Variants in SLC4A4 observed in about 807,000 individuals in gnomAD.
SLC4A4 encodes electrogenic sodium bicarbonate cotransporter 1.
SLC4A4 carries 27 observed loss-of-function variants against 111.5 expected under a neutral mutation model. That is an observed-to-expected ratio of 0.24 (90% CI 0.18 to 0.33). The LOEUF is 0.33. Ranked by LOEUF, SLC4A4 falls within the 10% of genes least tolerant of loss-of-function variation. The probability of loss-of-function intolerance (pLI) is 1.00; values close to 1 mark genes in which losing one functional copy is unlikely to be tolerated. For missense variants in SLC4A4, 909 were observed against 1,315.5 expected (o/e 0.69, Z 4.78); for synonymous variants, 443 against 463.4 (o/e 0.96, Z 0.57).
chr4:71,394,202 G>T (rs1043558013), intron 6 of SLC4A4, among the ~76,000 whole-genome samples: 2 of 152,068 alleles, frequency 1.3e-5, no homozygotes, highest in Admixed American at 6.6e-5. Context: ...AAAAGAAACA[G>T]CAAAGTAAAC....
chr4:71,122,817 A>G (rs950204073), intron 2 of SLC4A4, among the ~76,000 whole-genome samples: 2 of 152,224 alleles, frequency 1.3e-5, no homozygotes, highest in African/African-American at 2.4e-5. Context: ...GTTCGTATAC[A>G]CAGGACTTTC....
intron 1 of SLC4A4, among the ~76,000 whole-genome samples, chr4:71,202,523 A>C (rs573596774): frequency 4.9e-4 from 74 of 152,320 alleles, no homozygotes; most frequent in Non-Finnish European, 4.6e-4. Context: ...ACTCTTTTAA[A>C]ATATCAAGTG....
intron 15 of SLC4A4, among the ~76,000 whole-genome samples, chr4:71,490,553 C>G (rs1309320018): frequency 1.3e-5 from 2 of 151,776 alleles, no homozygotes; most frequent in African/African-American, 4.8e-5. Context: ...ATGGCAGATA[C>G]CTGAGCCCTT....
At chr4:71,277,171 G>A (rs1454725925) in intron 3 of SLC4A4, among the ~76,000 whole-genome samples, 1 of 152,200 alleles carries the variant, frequency 6.6e-6, no homozygotes, top group African/African-American at 2.4e-5. Context: ...TAGTACAATT[G>A]CTTGGTCGTG....
intron 2 of SLC4A4, among the ~76,000 whole-genome samples, chr4:71,099,642 T>G (rs750930898): frequency 6.6e-6 from 1 of 152,056 alleles, no homozygotes; most frequent in African/African-American, 2.4e-5. Flanking sequence ...AAAAGATCAA[T>G]GAATCCAGGA....
intron 10 of SLC4A4, 57 bp from the exon 11 acceptor site, chr4:71,451,131 A>T (rs1414165181): frequency 2.7e-6 from 3 of 1,125,770 alleles, no homozygotes; most frequent in Non-Finnish European, 2.7e-6. Context: ...TGATACAGCT[A>T]AGAAGCGAAT....
Position 71,570,552 on chromosome 4 carries a change from G to A in SLC4A4, c.*2801G>A, listed in dbSNP as rs893799538. ...GGTGGTTTTGTTTCTATGCAAACTG[G>A]ACACAAATTACAACAGTAAATTTTT... On this transcript the variant is annotated 3_prime_UTR_variant, in exon 26 of 26. Transcript: ENST00000264485. The A allele has an allele frequency of 1.3e-5, 2 of 152,144 alleles. No individual in the cohort carries two copies. Among genetic ancestry groups the A allele is most frequent in the African/African-American group, 4.8e-5 (2 of 41,386 alleles). The allele number at this position is 152,144 out of a possible 1,614,324, so 9.4% of individuals were successfully genotyped here.
intron 3 of SLC4A4, among the ~76,000 whole-genome samples, chr4:71,334,972 G>A (rs1000005153): frequency 6.6e-6 from 1 of 152,252 alleles, no homozygotes; most frequent in Non-Finnish European, 1.5e-5. Flanking sequence ...TGGACAAAAG[G>A]TTGATTATCT....
intron 2 of SLC4A4, among the ~76,000 whole-genome samples, chr4:71,242,807 C>T (rs1720357421): frequency 6.6e-6 from 1 of 151,812 alleles, no homozygotes; most frequent in African/African-American, 2.4e-5. Context: ...CAAATCGTAA[C>T]TGGTGTAAAT....
At chr4:71,244,773 C>CTTTTTTTTT (rs11440449) in intron 2 of SLC4A4, among the ~76,000 whole-genome samples, 4 of 146,016 alleles carry the variant, frequency 2.7e-5, no homozygotes, top group Non-Finnish European at 4.5e-5. Context: ...ATGGACCATG[C>CTTTTTTTTT]TTTTTTTTTT....
chr4:71,148,068 A>T (rs1227461864), intron 2 of SLC4A4, among the ~76,000 whole-genome samples: 1 of 152,198 alleles, frequency 6.6e-6, no homozygotes, highest in Non-Finnish European at 1.5e-5. Flanking sequence ...GACTCATGGA[A>T]TCATAGAAAC....
intron 20 of SLC4A4, among the ~76,000 whole-genome samples, chr4:71,550,876 A>T (rs1416242174): frequency 6.6e-6 from 1 of 151,812 alleles, no homozygotes; most frequent in African/African-American, 2.4e-5. Context: ...TCCGTCTTTT[A>T]TGTGGAAGAA....
At chr4:71,484,846 G>C (rs1206410528) in intron 14 of SLC4A4, among the ~76,000 whole-genome samples, 1 of 151,448 alleles carries the variant, frequency 6.6e-6, no homozygotes, top group Non-Finnish European at 1.5e-5. Flanking sequence ...AGTGGTTTGT[G>C]GTTCTCCTTG....
At chr4:71,274,323 G>A (rs1722915728) in intron 3 of SLC4A4, among the ~76,000 whole-genome samples, 1 of 152,098 alleles carries the variant, frequency 6.6e-6, no homozygotes, top group Non-Finnish European at 1.5e-5. Context: ...GCTGTCTCAG[G>A]GGTGACAGAG....
intron 2 of SLC4A4, among the ~76,000 whole-genome samples, chr4:71,181,126 A>C (rs1453881026): frequency 6.7e-6 from 1 of 150,358 alleles, no homozygotes; most frequent in Non-Finnish European, 1.5e-5. Context: ...CAAAAAACCA[A>C]ACACCGCATG....
At chr4:71,252,906 C>A (rs999469064) in intron 2 of SLC4A4, among the ~76,000 whole-genome samples, 21 of 152,162 alleles carry the variant, frequency 1.4e-4, no homozygotes, top group African/African-American at 3.9e-4. Flanking sequence ...ATAAATTACA[C>A]CCCAGTAAAG....
At chr4:71,171,192 T>G (rs1744924750) in intron 2 of SLC4A4, among the ~76,000 whole-genome samples, 1 of 151,458 alleles carries the variant, frequency 6.6e-6, no homozygotes, top group South Asian at 2.1e-4. Context: ...TGGTGGGAGG[T>G]TCATCAAAAC....
chr4:71,224,614 C>T (rs374486656), intron 1 of SLC4A4, among the ~76,000 whole-genome samples: 1 of 152,134 alleles, frequency 6.6e-6, no homozygotes, highest in African/African-American at 2.4e-5. Flanking sequence ...ACATAGTAAG[C>T]ACTACCTAAG....
chr4:71,224,537 A>C (rs534575859), intron 1 of SLC4A4, among the ~76,000 whole-genome samples: 49 of 152,306 alleles, frequency 3.2e-4, no homozygotes, highest in African/African-American at 1.2e-3. Flanking sequence ...AAACAGTACA[A>C]ATCTCATGGG....
Sources: gnomAD v4.1 joint callset for allele counts (sites outside exome capture counted in the v4.1 genomes callset) on GRCh38, gnomAD v4.1.1 for gene constraint, MANE v1.5 for transcripts, NCBI Gene and HGNC (gene_info 2026-07-23, HGNC 2026-07-21) for gene names.